Variants in HYCC1 observed in about 807,000 individuals in gnomAD.
HYCC1 encodes hyccin.
chr7:22,923,870 T>G, the HYCC1 span, among the ~76,000 whole-genome samples: 2 of 150,748 alleles, frequency 1.3e-5, no homozygotes, highest in Non-Finnish European at 2.9e-5. Context: ...TAAAAAGAAA[T>G]AGAAGGCTGG....
chr7:22,972,128 T>C, the HYCC1 span, among the ~76,000 whole-genome samples: 1 of 152,182 alleles, frequency 6.6e-6, no homozygotes. Flanking sequence ...TGAATGTGTG[T>C]GCTCACTGAT....
the HYCC1 span, among the ~76,000 whole-genome samples, chr7:23,011,725 G>A: frequency 1.3e-5 from 2 of 152,168 alleles, no homozygotes; most frequent in Non-Finnish European, 2.9e-5. Context: ...AACTGCCAAT[G>A]TCAATTGACA....
chr7:22,957,368 C>T, the HYCC1 span, among the ~76,000 whole-genome samples: 2 of 148,832 alleles, frequency 1.3e-5, no homozygotes, highest in Non-Finnish European at 3.0e-5. Context: ...CTCATTCACT[C>T]GTTTCCCTCT....
the HYCC1 span, chr7:22,942,855 T>C: frequency 6.6e-6 from 1 of 152,196 alleles, no homozygotes; most frequent in Non-Finnish European, 1.5e-5. Flanking sequence ...TCATAATTTC[T>C]ATAAAAACTT....
the HYCC1 span, among the ~76,000 whole-genome samples, chr7:22,919,434 C>T: frequency 6.6e-6 from 1 of 151,994 alleles, no homozygotes; most frequent in Non-Finnish European, 1.5e-5. Context: ...AAGGCTGAGG[C>T]AGAAGAATCA....
chr7:22,953,593 C>G, the HYCC1 span, among the ~76,000 whole-genome samples: 1 of 151,840 alleles, frequency 6.6e-6, no homozygotes, highest in African/African-American at 2.4e-5. Flanking sequence ...CTCTCTCAAA[C>G]TTAATATCCA....
the HYCC1 span, among the ~76,000 whole-genome samples, chr7:22,982,132 T>C: frequency 1.3e-5 from 2 of 152,346 alleles, no homozygotes; most frequent in African/African-American, 2.4e-5. Context: ...AGCGTATGGC[T>C]ATACTTACCC....
the HYCC1 span, among the ~76,000 whole-genome samples, chr7:22,977,866 C>T: frequency 1.3e-5 from 2 of 152,104 alleles, no homozygotes; most frequent in African/African-American, 2.4e-5. Context: ...TAATGTTGTA[C>T]ACTCTGGAGA....
the HYCC1 span, chr7:22,961,463 C>T: frequency 3.2e-4 from 166 of 523,300 alleles, no homozygotes; most frequent in African/African-American, 2.8e-3. Context: ...AAAAATGTAT[C>T]TTTAAATCTT....
chr7:22,992,144 T>C, the HYCC1 span, among the ~76,000 whole-genome samples: 20 of 151,478 alleles, frequency 1.3e-4, no homozygotes, highest in Non-Finnish European at 2.2e-4. Context: ...ATTATTATTA[T>C]TAATTCTTAT....
chr7:22,970,501 T>C, the HYCC1 span, among the ~76,000 whole-genome samples: 2 of 152,008 alleles, frequency 1.3e-5, no homozygotes, highest in Non-Finnish European at 2.9e-5. Flanking sequence ...ACAGTCTATA[T>C]CAAAAGAACA....
the HYCC1 span, among the ~76,000 whole-genome samples, chr7:22,989,932 G>A: frequency 5.9e-5 from 9 of 152,144 alleles, no homozygotes. Context: ...TACTTACTAA[G>A]ATGACTTGTT....
At chr7:22,917,608 A>G in the HYCC1 span, among the ~76,000 whole-genome samples, 2 of 152,216 alleles carry the variant, frequency 1.3e-5, no homozygotes. Context: ...TGAAAAGGCC[A>G]CTGTGGTCAT....
the HYCC1 span, among the ~76,000 whole-genome samples, chr7:22,962,190 A>C: frequency 6.6e-6 from 1 of 152,186 alleles, no homozygotes; most frequent in Non-Finnish European, 1.5e-5. Flanking sequence ...GAGATGGGCC[A>C]CAATACAAGC....
the HYCC1 span, among the ~76,000 whole-genome samples, chr7:22,996,362 G>A: frequency 6.6e-6 from 1 of 151,368 alleles, no homozygotes; most frequent in African/African-American, 2.4e-5. Flanking sequence ...AATGCATTAT[G>A]TAGGAAAGAG....
chr7:22,946,008 G>A, the HYCC1 span: 71 of 1,613,524 alleles, frequency 4.4e-5, no homozygotes, highest in South Asian at 1.1e-4. Flanking sequence ...CCTCCTGACC[G>A]TCTGTGGTTC....
At chr7:23,002,160 A>ACAAT in the HYCC1 span, among the ~76,000 whole-genome samples, 61 of 68,180 alleles carry the variant, frequency 8.9e-4, no homozygotes, top group African/African-American at 3.3e-3. Context: ...ATATATATAT[A>ACAAT]TATATATATA....
chr7:23,002,163 T>C, the HYCC1 span, among the ~76,000 whole-genome samples: 2 of 65,356 alleles, frequency 3.1e-5, no homozygotes, highest in African/African-American at 1.4e-4. Context: ...TATATATATA[T>C]ATATATATAT....
chr7:22,981,225 A>G, the HYCC1 span, among the ~76,000 whole-genome samples: 4 of 152,232 alleles, frequency 2.6e-5, no homozygotes, highest in African/African-American at 9.6e-5. Flanking sequence ...TTTTGTTCTC[A>G]TAATTCCTAA....
Sources: gnomAD v4.1 joint callset for allele counts (sites outside exome capture counted in the v4.1 genomes callset) on GRCh38, gnomAD v4.1.1 for gene constraint, MANE v1.5 for transcripts, NCBI Gene and HGNC (gene_info 2026-07-23, HGNC 2026-07-21) for gene names.